NCOR2: variants seen among roughly 807,000 people sequenced by gnomAD.
NCOR2 encodes the protein CTG repeat protein 26.
Under a neutral mutation model 262.9 loss-of-function variants are expected in NCOR2, and 81 were observed. The observed-to-expected ratio is 0.31, with a 90% CI of 0.26 to 0.37. The LOEUF is 0.37. NCOR2 is among the 10% of genes least tolerant of loss of function. The pLI is 1.00. For synonymous variants in NCOR2, 1,659 were observed against 1,559.3 expected (o/e 1.06, Z -1.51); for missense variants, 3,385 against 3,621.4 (o/e 0.93, Z 1.68).
chr12:124,380,120 A>G (rs940432929), intron 17 of NCOR2, among the ~76,000 whole-genome samples: 1 of 152,210 alleles, frequency 6.6e-6, no homozygotes, highest in Non-Finnish European at 1.5e-5. Flanking sequence ...CCGGATTCCA[A>G]GAAAAAGCTG....
At chr12:124,368,597 G>C (rs553606855) in intron 20 of NCOR2, among the ~76,000 whole-genome samples, 2 of 152,332 alleles carry the variant, frequency 1.3e-5, no homozygotes, top group South Asian at 4.1e-4. Flanking sequence ...AGGCCTCTCT[G>C]CTGTCCACTG....
chr12:124,440,975 G>C lies in NCOR2; in HGVS notation c.816-2979C>G, dbSNP rs2044769080. 6.6e-6 allele frequency among the ~76,000 whole-genome samples: 1 copy of C among 152,158 alleles called. No homozygotes were observed. Among genetic ancestry groups the C allele is most frequent in the Non-Finnish European group, 1.5e-5 (1 of 68,028 alleles). On this transcript the variant is annotated intron_variant, in intron 7 of 46. Transcript: ENST00000405201. The surrounding 1 kb of genome is among the most constrained non-coding windows in gnomAD (Gnocchi z 5.7). ...CTGTGGCTGGACAGTGCTGGGGAGGGGCAGAGAGGACGGAGGAGGGGCTGT... is the reference window on the plus strand; with the variant it reads ...CTGTGGCTGGACAGTGCTGGGGAGGCGCAGAGAGGACGGAGGAGGGGCTGT...
chr12:124,325,263 C>T (rs2034526304), exon 47 of NCOR2: 7 of 508,296 alleles, frequency 1.4e-5, no homozygotes, highest in African/African-American at 2.0e-5. Flanking sequence ...CGGCTCTGGA[C>T]GGACAGATGG....
intron 13 of NCOR2, among the ~76,000 whole-genome samples, chr12:124,416,587 TCCCCGCGGCACAGATAGA>T (rs1156802037): frequency 4.0e-4 from 31 of 77,808 alleles, no homozygotes; most frequent in South Asian, 8.7e-4. Context: ...GCACAGGGAG[TCCCCGCGGCACAGATAGA>T]CCCCGCGGCA....
At chr12:124,367,351 A>G (rs191706081) in intron 20 of NCOR2, among the ~76,000 whole-genome samples, 25 of 152,118 alleles carry the variant, frequency 1.6e-4, no homozygotes, top group Non-Finnish European at 3.5e-4. Context: ...ACCACTTTAT[A>G]GTTTACAAGA....
chr12:124,447,810 C>T (rs1415231206), intron 7 of NCOR2, among the ~76,000 whole-genome samples: 1 of 151,886 alleles, frequency 6.6e-6, no homozygotes, highest in East Asian at 1.9e-4. Flanking sequence ...GATTCTCCCT[C>T]CTTCGCCTCC....
At chr12:124,355,144 A>T (rs548449905) in intron 24 of NCOR2, 17 of 613,594 alleles carry the variant, frequency 2.8e-5, no homozygotes, top group Non-Finnish European at 4.8e-5. Flanking sequence ...AGCCCCTTGC[A>T]TTTGCCCTTC....
At chr12:124,498,978 C>A (rs1181701037), upstream of NCOR2, among the ~76,000 whole-genome samples, 2 of 152,146 alleles carry the variant, frequency 1.3e-5, no homozygotes, top group African/African-American at 4.8e-5. Context: ...ACCAGGAGGG[C>A]AGGGTGAGGC....
intron 7 of NCOR2, among the ~76,000 whole-genome samples, chr12:124,448,089 T>TTA (rs2045294428): frequency 6.6e-6 from 1 of 152,210 alleles, no homozygotes; most frequent in Non-Finnish European, 1.5e-5. Context: ...TATCCAAGGC[T>TTA]GAATAGCCAA....
Position 124,378,415 on chromosome 12 carries a change from T to C in NCOR2, c.2020-31A>G, listed in dbSNP as rs2136070943. The C allele has an allele frequency of 1.3e-6, 2 of 1,591,664 alleles. No individual in the cohort carries two copies. The highest frequency in any genetic ancestry group is 1.7e-5 in the Admixed American group (1 of 58,524). The stretch of plus-strand genomic sequence containing the variant: ...GCACAGGGAAGCAGCAGATCAGGAC[T>C]GGGGCCTGGGCTGTCAGCTCGGGGA... On this transcript the variant is annotated intron_variant, in intron 17 of 46. Transcript: ENST00000405201. This position sits in a 1 kb window ranked among gnomAD's most constrained non-coding sequence, Gnocchi z 4.2.
exon 12 of NCOR2, chr12:124,422,525 C>T: frequency 6.2e-7 from 1 of 1,614,080 alleles, no homozygotes; most frequent in Non-Finnish European, 8.5e-7. Context: ...ATGATGCGAT[C>T]AGGCCAAAGT....
intron 23 of NCOR2, among the ~76,000 whole-genome samples, 176 bp from the exon 26 acceptor site, chr12:124,355,747 C>T (rs2037899881): frequency 6.6e-6 from 1 of 152,170 alleles, no homozygotes; most frequent in Non-Finnish European, 1.5e-5. Flanking sequence ...GTCCTAGGTG[C>T]AGACACCACT....
At chr12:124,352,943 C>T (rs545817221) in intron 27 of NCOR2, among the ~76,000 whole-genome samples, 6 of 152,340 alleles carry the variant, frequency 3.9e-5, no homozygotes, top group South Asian at 2.1e-4. Context: ...CTGGGAACCA[C>T]GTGGTCCCTG....
At chr12:124,435,316 G>C (rs1404569211) in intron 8 of NCOR2, among the ~76,000 whole-genome samples, 2 of 152,218 alleles carry the variant, frequency 1.3e-5, no homozygotes, top group East Asian at 3.8e-4. Flanking sequence ...CTCTTAACTT[G>C]ATAAACAGAT....
intron 5 of NCOR2, among the ~76,000 whole-genome samples, chr12:124,463,753 C>T (rs972051597): frequency 2.6e-5 from 4 of 152,220 alleles, no homozygotes; most frequent in African/African-American, 7.2e-5. Context: ...CTGCCAAAGG[C>T]GGCTGGGGGC....
chr12:124,335,210 C>T (rs747314164), exon 40 of NCOR2: 157 of 1,610,770 alleles, frequency 9.7e-5, no homozygotes, highest in Non-Finnish European at 1.2e-4. Context: ...GCGGGCTGGA[C>T]GAGGGCTGGC....
Position 124,454,596 on chromosome 12 carries a change from G to A in NCOR2, c.762+2510C>T, listed in dbSNP as rs986710394. Among the ~76,000 whole-genome samples the A allele has an allele frequency of 1.3e-5, 2 of 152,168 alleles. No homozygotes were observed. Among genetic ancestry groups the A allele is most frequent in the African/African-American group, 4.8e-5 (2 of 41,442 alleles). On this transcript the variant is annotated intron_variant, in intron 6 of 46. Coordinates refer to ENST00000405201, the Ensembl canonical transcript of NCOR2. The surrounding 1 kb of genome is among the most constrained non-coding windows in gnomAD (Gnocchi z 5.6). The stretch of plus-strand genomic sequence containing the variant: ...GACCAATCAGGAAACGGGAGCGGGA[G>A]GACCCGGAAATCTGGAAATGCTTGG...
At position 124,422,661 on chromosome 12, in the gene NCOR2, G is replaced by T. The variant is rs976216544; in HGVS notation, c.1329-106C>A. Reference sequence around the variant, plus strand: ...GCCATCCCCACTGGCCGGGCCTGGCGGGCACCGCCCCACTTGGAGCAATTA... The same window carrying T: ...GCCATCCCCACTGGCCGGGCCTGGCTGGCACCGCCCCACTTGGAGCAATTA... On this transcript the variant is annotated intron_variant, in intron 11 of 46. Transcript: ENST00000405201. 12 of 1,364,044 alleles carry T rather than the reference G, an allele frequency of 8.8e-6. No homozygotes were observed. In the African/African-American group the frequency reaches 1.7e-4, roughly 20 times the overall value. The allele number at this position is 1,364,044 out of a possible 1,614,324, so 84.5% of individuals were successfully genotyped here. A position where few individuals can be genotyped will look rare whatever the true frequency, so the allele number is the denominator to read the frequency against.
chr12:124,493,726 T>C (rs1379254884), intron 1 of NCOR2, among the ~76,000 whole-genome samples: 3 of 152,106 alleles, frequency 2.0e-5, no homozygotes, highest in East Asian at 1.9e-4. Flanking sequence ...ATAAAGACAA[T>C]GATGACAAAA....
Sources: gnomAD v4.1 joint callset for allele counts (sites outside exome capture counted in the v4.1 genomes callset) on GRCh38, gnomAD v4.1.1 for gene constraint, Gnocchi (gnomAD v3.1) non-coding constraint, MANE v1.5 for transcripts, NCBI Gene and HGNC (gene_info 2026-07-23, HGNC 2026-07-21) for gene names.